The following UBR4 variants were observed in gnomAD, a reference collection of about 807,000 sequenced individuals.
The protein encoded by UBR4 is E3 ubiquitin-protein ligase UBR4.
UBR4 carries 124 observed loss-of-function variants against 575.6 expected under a neutral mutation model. The ratio of observed to expected loss-of-function variants is 0.22; its 90% confidence interval spans 0.19 to 0.25. The LOEUF is 0.25. Ranked by LOEUF, UBR4 falls within the 10% of genes least tolerant of loss-of-function variation. The probability of loss-of-function intolerance (pLI) is 1.00; values close to 1 mark genes in which losing one functional copy is unlikely to be tolerated. For synonymous variants in UBR4, 2,455 were observed against 2,473.7 expected (o/e 0.99, Z 0.22); for missense variants, 4,818 against 6,478.8 (o/e 0.74, Z 8.80).
At chr1:19,185,311 G>A (rs780479850) in intron 14 of UBR4, 25 bp from the exon 15 acceptor site, 24 of 1,501,274 alleles carry the variant, frequency 1.6e-5, no homozygotes, top group South Asian at 2.8e-5. Context: ...ATAAAGTAAC[G>A]AAAATAAATA....
intron 97 of UBR4, 88 bp downstream of exon 97, chr1:19,092,731 T>C: frequency 1.9e-6 from 2 of 1,072,636 alleles, no homozygotes; most frequent in African/African-American, 1.6e-5. Flanking sequence ...AGAAGTCTCA[T>C]ATATTAGGGT....
intron 17 of UBR4, among the ~76,000 whole-genome samples, chr1:19,183,320 AT>A (rs529184256): frequency 4.0e-5 from 6 of 151,274 alleles, no homozygotes; most frequent in Admixed American, 6.6e-5. Flanking sequence ...TAAAAGACAT[AT>A]TTTTTTTTCT....
chr1:19,197,581 T>A, intron 7 of UBR4, 89 bp downstream of exon 7: 1 of 1,531,206 alleles, frequency 6.5e-7, no homozygotes, highest in African/African-American at 1.4e-5. Flanking sequence ...GAACCGAGAC[T>A]GCACCCCTGC....
In UBR4 at chr1:19,153,206, T is replaced by C; in HGVS notation, c.6832+95A>G. ...AAAATGTGCAAGTAGGACAGTCACA[T>C]TTCTTCACAGATATTTTCAACAGTC... On this transcript the variant is annotated intron_variant, in intron 46 of 105. Coordinates refer to ENST00000375254, the MANE Select transcript of UBR4 (RefSeq NM_020765.3). The surrounding 1 kb of genome is among the most constrained non-coding windows in gnomAD (Gnocchi z 4.1). 1 of 1,374,494 alleles carries C rather than the reference T, an allele frequency of 7.3e-7. No homozygotes were observed. Among genetic ancestry groups the C allele is most frequent in the Non-Finnish European group, 1.0e-6 (1 of 982,196 alleles). 85.1% of individuals were successfully genotyped at this position (1,374,494 alleles called of 1,614,324 possible). A position where few individuals can be genotyped will look rare whatever the true frequency, so the allele number is the denominator to read the frequency against.
chr1:19,209,445 T>A (rs1016499741), intron 1 of UBR4, among the ~76,000 whole-genome samples: 1 of 152,204 alleles, frequency 6.6e-6, no homozygotes, highest in East Asian at 1.9e-4. Flanking sequence ...AAGAATGTGA[T>A]GATATTTTAA....
chr1:19,155,653 C>T lies in UBR4; in HGVS notation c.6088G>A (p.Val2030Ile), dbSNP rs759639792. 9.9e-6 allele frequency: 16 copies of T among 1,614,076 alleles called. No individual in the cohort carries two copies. The highest frequency in any genetic ancestry group is 2.2e-5 in the South Asian group (2 of 91,080). The stretch of plus-strand genomic sequence containing the variant: ...TAGAAGGTTGGACTCAAGGCATCAA[C>T]ACACAGGTCATAAATCTGCAGGATG... ...ADFVKIYDLC[V>I]DALSPTFYFL... Residue 2030 changes from valine (V) to isoleucine (I), a missense_variant, in exon 43 of 106, where the codon GTT becomes ATT. By Grantham distance (29) the Val-to-Ile change is conservative. Coordinates refer to ENST00000375254, the MANE Select transcript of UBR4 (RefSeq NM_020765.3).
chr1:19,164,870 A>G lies in UBR4; in HGVS notation c.4440T>C (p.Asp1480=). ...GGTTCTCCTGAATTACATCCAGCTG[A>G]TCAGAATCTTTTGGGGGCGATGTAG... ...RMTTSPPKDS[D]QLDVIQENRQ... is the part of the protein sequence containing the mutation. The change falls in exon 32 of 106, where the codon GAT becomes GAC. Residue 1480 remains aspartate (D), a synonymous_variant. Coordinates refer to ENST00000375254, the MANE Select transcript of UBR4 (RefSeq NM_020765.3). The G allele has an allele frequency of 6.2e-7, 1 of 1,614,172 alleles. No homozygotes were observed. The highest frequency in any genetic ancestry group is 8.5e-7 in the Non-Finnish European group (1 of 1,180,036).
rs779737220 is a variant in UBR4, at chr1:19,105,812, G to A, written c.12424C>T (p.Arg4142Trp). The A allele has an allele frequency of 8.7e-6, 14 of 1,607,834 alleles. No homozygotes were observed. The highest frequency in any genetic ancestry group is 5.2e-5 in the Admixed American group (3 of 58,220). The change falls in exon 84 of 106, where the codon CGG becomes TGG. Residue 4142 changes from arginine to tryptophan, a missense_variant. Around this residue, in one of 29 missense-constraint regions of UBR4, gnomAD observed 178 missense variants for 175.5 expected, o/e 1.01. Transcript: ENST00000375254. ...TCCACAATGGTACAGGCTGCCTGCC[G>A]TGCGGCCTGCGTTGCTGGAGTGAAA... is the stretch of plus-strand genomic sequence containing the variant. ...VLFTPATQAA[R>W]QAACTIVEAL...
intron 17 of UBR4, among the ~76,000 whole-genome samples, chr1:19,181,571 C>T (rs1320115333): frequency 6.6e-6 from 1 of 152,120 alleles, no homozygotes; most frequent in Non-Finnish European, 1.5e-5. Flanking sequence ...TGCCTATCTC[C>T]CTCCTTTTTC....
Position 19,110,513 on chromosome 1 carries a change from C to T in UBR4, c.11893-49G>A, listed in dbSNP as rs1241665215. On this transcript the variant is annotated intron_variant, in intron 79 of 105. Transcript: ENST00000375254. The surrounding 1 kb of genome is among the most constrained non-coding windows in gnomAD (Gnocchi z 4.5). ...TGAGTCAAGAGGGTCAGCTCCGGTC[C>T]AGCGACTCTTAACTATTAATACAAT... 9.5e-6 allele frequency: 15 copies of T among 1,576,372 alleles called. No individual in the cohort carries two copies. The highest frequency in any genetic ancestry group is 1.3e-5 in the Non-Finnish European group (15 of 1,149,194).
At position 19,187,210 on chromosome 1, in the gene UBR4, G is replaced by C; in HGVS notation, c.1586C>G (p.Pro529Arg). The change falls in exon 13 of 106, where the codon CCA (proline) becomes CGA (arginine). Residue 529 changes from proline (P) to arginine (R), a missense_variant. This residue lies in a region of UBR4 where 162 missense variants were observed against 216.4 expected (regional missense o/e 0.75). Coordinates refer to ENST00000375254, the MANE Select transcript of UBR4 (RefSeq NM_020765.3). The part of the protein sequence containing the change: ...QRIQRLIDSV[P>R]LMNLLLTLLS... The stretch of plus-strand genomic sequence containing the variant: ...TAACGTCAAGAGCAGGTTCATCAGT[G>C]GGACAGAGTCAATCAGCCGTTGAAT... The C allele has an allele frequency of 6.2e-7, 1 of 1,613,694 alleles. No homozygotes were observed.
In UBR4 at chr1:19,193,424, T is replaced by C; in HGVS notation, c.1143+9A>G. 1 of 1,613,466 alleles carries C rather than the reference T, an allele frequency of 6.2e-7. No individual in the cohort carries two copies. Among genetic ancestry groups the C allele is most frequent in the Non-Finnish European group, 8.5e-7 (1 of 1,179,612 alleles). On this transcript the variant is annotated intron_variant, in intron 9 of 105. Coordinates refer to ENST00000375254, the MANE Select transcript of UBR4 (RefSeq NM_020765.3). ...TCAAGGTTCCCTTATCCCCAGATCT[T>C]TGGCTTACACATTTCTGGACAATTG... is the stretch of plus-strand genomic sequence containing the variant.
Position 19,128,331 on chromosome 1 carries a change from G to C in UBR4, c.9004-13C>G, listed in dbSNP as rs907250201. 6 of 1,610,188 alleles carry C rather than the reference G, an allele frequency of 3.7e-6. No homozygotes were observed. The highest frequency in any genetic ancestry group is 1.7e-4 in the Middle Eastern group (1 of 6,054). On this transcript the variant is annotated splice_polypyrimidine_tract_variant and intron_variant, in intron 61 of 105. Coordinates refer to ENST00000375254, the MANE Select transcript of UBR4 (RefSeq NM_020765.3). Reference sequence around the variant, plus strand: ...GCATTAGAATGACCTAGAAGTCAAAGACAGAAAACACAAAACCCAATTTCC... The same window carrying C: ...GCATTAGAATGACCTAGAAGTCAAACACAGAAAACACAAAACCCAATTTCC...
At chr1:19,196,949 C>T (rs761425671) in intron 8 of UBR4, among the ~76,000 whole-genome samples, 192 bp downstream of exon 8, 28 of 152,284 alleles carry the variant, frequency 1.8e-4, no homozygotes, top group Admixed American at 8.5e-4. Context: ...AACGCAATGG[C>T]AGCAGTGAAA....
intron 41 of UBR4, 96 bp downstream of exon 41, chr1:19,156,671 C>A: frequency 6.7e-7 from 1 of 1,495,550 alleles, no homozygotes; most frequent in African/African-American, 1.4e-5. Flanking sequence ...ATTTTAATCT[C>A]CACAACGAAT....
intron 15 of UBR4, among the ~76,000 whole-genome samples, chr1:19,184,666 C>G (rs756832958): frequency 6.6e-6 from 1 of 152,160 alleles, no homozygotes; most frequent in Admixed American, 6.5e-5. Flanking sequence ...GACTCACTCA[C>G]ATCATCAGAA....
Position 19,148,141 on chromosome 1 carries a change from C to T in UBR4, c.7495-14G>A, listed in dbSNP as rs769264826. 3 of 1,599,102 alleles carry T rather than the reference C, an allele frequency of 1.9e-6. No individual in the cohort carries two copies. The African/African-American group carries it at 4.0e-5, about 21-fold the overall frequency. ...CTTGTTTCTCTCCTAAGGCAAAAGA[C>T]AGCAGGGTTATCACTAACCCCACCA... On this transcript the variant is annotated splice_polypyrimidine_tract_variant and intron_variant, in intron 50 of 105. Coordinates refer to ENST00000375254, the MANE Select transcript of UBR4 (RefSeq NM_020765.3).
chr1:19,093,960 G>A lies in UBR4; in HGVS notation c.13926C>T (p.Cys4642=). ...TCAAAGTAACATACTTATCAAAGTT[G>A]CAGTATGGTTTGAATCGCTCCACCA... is the stretch of plus-strand genomic sequence containing the variant. ...QILVERFKPY[C]NFDKYDEDHS... The change falls in exon 95 of 106, where the codon TGC becomes TGT. Residue 4642 remains cysteine (C), a synonymous_variant. Transcript: ENST00000375254. This position sits in a 1 kb window ranked among gnomAD's most constrained non-coding sequence, Gnocchi z 4.8. 2 of 1,612,944 alleles carry A rather than the reference G, an allele frequency of 1.2e-6. No homozygotes were observed. Among genetic ancestry groups the A allele is most frequent in the South Asian group, 2.2e-5 (2 of 90,904 alleles).
At position 19,113,935 on chromosome 1, in the gene UBR4, G is replaced by A. The variant is rs565509408; in HGVS notation, c.11328+10C>T. On this transcript the variant is annotated intron_variant, in intron 76 of 105. Coordinates refer to ENST00000375254, the MANE Select transcript of UBR4 (RefSeq NM_020765.3). ...CCCTTATCCAAATGCCCTTTGCAGC[G>A]TGGGACTACCTGTGGCTTTTCTGGA... is the stretch of plus-strand genomic sequence containing the variant. The A allele has an allele frequency of 5.5e-5, 89 of 1,614,200 alleles. No individual in the cohort carries two copies. The East Asian group carries it at 7.1e-4, about 13-fold the overall frequency.
Sources: allele counts gnomAD v4.1 joint callset (sites outside exome capture counted in the v4.1 genomes callset), GRCh38; gene constraint gnomAD v4.1.1; regional missense constraint gnomAD v4.1.1; non-coding constraint Gnocchi (gnomAD v3.1); transcripts MANE v1.5; gene names NCBI Gene and HGNC (gene_info 2026-07-23, HGNC 2026-07-21).